TLE1: variants seen among roughly 807,000 people sequenced by gnomAD.
The protein encoded by TLE1 is TLE family member 1, transcriptional corepressor, also known as transducin-like enhancer protein 1.
TLE1 carries 21 observed loss-of-function variants against 89.8 expected under a neutral mutation model. The observed-to-expected ratio is 0.23, with a 90% CI of 0.17 to 0.34. TLE1 has a LOEUF of 0.34. TLE1 is among the 10% of genes least tolerant of loss of function. The probability of loss-of-function intolerance (pLI) is 1.00; values close to 1 mark genes in which losing one functional copy is unlikely to be tolerated. For synonymous variants in TLE1, 447 were observed against 407.6 expected, an observed-to-expected ratio of 1.10 and a Z score of -1.16; for missense variants, 795 against 1,031.2, an observed-to-expected ratio of 0.77 and a Z score of 3.14.
At position 81,688,504 on chromosome 9, in the gene TLE1, G is replaced by A. The variant is rs1325725080; in HGVS notation, c.-264C>T. The A allele has an allele frequency of 3.6e-5, 14 of 387,898 alleles. No individual in the cohort carries two copies. In the East Asian group the frequency reaches 3.8e-4, roughly 10 times the overall value. The allele number at this position is 387,898 out of a possible 1,614,324, so 24.0% of individuals were successfully genotyped here. A position where few individuals can be genotyped will look rare whatever the true frequency, so the allele number is the denominator to read the frequency against. Reference sequence around the variant, plus strand: ...CAGCTGCTTCAAGAACCTGCGCGGAGACGTCGGGCGCTCGGGGACTGTGCG... The same window carrying A: ...CAGCTGCTTCAAGAACCTGCGCGGAAACGTCGGGCGCTCGGGGACTGTGCG... On this transcript the variant is annotated 5_prime_UTR_variant, in exon 1 of 20. Coordinates refer to ENST00000376499, the MANE Select transcript of TLE1 (RefSeq NM_005077.5).
chr9:81,656,848 A>C (rs1830205637), intron 4 of TLE1, among the ~76,000 whole-genome samples: 1 of 152,206 alleles, frequency 6.6e-6, no homozygotes, highest in South Asian at 2.1e-4. Context: ...ACGCCTCCAC[A>C]CAGATCTCTA....
In TLE1 at chr9:81,688,312, C is replaced by T; in HGVS notation, c.-72G>A. 6.9e-7 allele frequency: 1 copy of T among 1,442,112 alleles called. No homozygotes were observed. 89.3% of individuals were successfully genotyped at this position (1,442,112 alleles called of 1,614,324 possible). A position where few individuals can be genotyped will look rare whatever the true frequency, so the allele number is the denominator to read the frequency against. On this transcript the variant is annotated 5_prime_UTR_variant, in exon 1 of 20. Transcript: ENST00000376499. ...CGGTCAATTTCCAACTTTAATCCCG[C>T]CGAGGAAAATTAAGCCGGAAAGCCA...
At chr9:81,608,945 AAAAAAAAG>A (rs1823337704) in intron 14 of TLE1, among the ~76,000 whole-genome samples, 1 of 151,948 alleles carries the variant, frequency 6.6e-6, no homozygotes, top group Non-Finnish European at 1.5e-5. Context: ...CAAAAATAAT[AAAAAAAAG>A]AAAGAAAGAA....
chr9:81,646,374 T>G (rs1050372569), intron 6 of TLE1, among the ~76,000 whole-genome samples: 4 of 152,182 alleles, frequency 2.6e-5, no homozygotes. Flanking sequence ...GGCTAGAGTG[T>G]TGGAATTTAA....
intron 14 of TLE1, 69 bp downstream of exon 14, chr9:81,610,151 T>G: frequency 7.2e-7 from 1 of 1,384,810 alleles, no homozygotes; most frequent in South Asian, 1.2e-5. Context: ...CCTTTGGAAT[T>G]CTAGTCTGCT....
chr9:81,596,859 T>C (rs912624935), intron 14 of TLE1, among the ~76,000 whole-genome samples: 2 of 152,244 alleles, frequency 1.3e-5, no homozygotes, highest in African/African-American at 4.8e-5. Context: ...TGGCTGCCTT[T>C]GGTGAAAAGT....
intron 14 of TLE1, among the ~76,000 whole-genome samples, chr9:81,597,309 A>G (rs7041471): frequency 1.4e-3 from 220 of 152,232 alleles, no homozygotes; most frequent in African/African-American, 4.8e-3. Flanking sequence ...GATACGTTGA[A>G]TTGAGGGCTT....
chr9:81,595,692 G>A (rs1162553832), intron 14 of TLE1, among the ~76,000 whole-genome samples: 3 of 151,724 alleles, frequency 2.0e-5, no homozygotes, highest in East Asian at 1.9e-4. Flanking sequence ...GGTGGCGGGC[G>A]CTTGTAGTCC....
chr9:81,668,477 G>T (rs1259314602), intron 4 of TLE1, among the ~76,000 whole-genome samples: 1 of 152,046 alleles, frequency 6.6e-6, no homozygotes, highest in Non-Finnish European at 1.5e-5. Context: ...GCATGTGGAG[G>T]CAAACAGGAA....
intron 6 of TLE1, among the ~76,000 whole-genome samples, chr9:81,646,333 T>C (rs1828859764): frequency 6.6e-6 from 1 of 152,138 alleles, no homozygotes; most frequent in Non-Finnish European, 1.5e-5. Flanking sequence ...CTTTGCAATA[T>C]TGCTCTTTCC....
At chr9:81,608,961 G>GAAAGAA (rs1176653827) in intron 14 of TLE1, among the ~76,000 whole-genome samples, 2 of 148,784 alleles carry the variant, frequency 1.3e-5, no homozygotes, top group Non-Finnish European at 3.0e-5. Context: ...AAGAAAGAAA[G>GAAAGAA]AAAGAAAAAG....
intron 4 of TLE1, among the ~76,000 whole-genome samples, chr9:81,672,389 G>A (rs1001858146): frequency 1.3e-5 from 2 of 151,408 alleles, no homozygotes; most frequent in Non-Finnish European, 2.9e-5. Context: ...GCTGGAGTGT[G>A]ATGGTGCGAT....
intron 4 of TLE1, among the ~76,000 whole-genome samples, chr9:81,663,604 G>A (rs1289598773): frequency 6.6e-6 from 1 of 151,494 alleles, no homozygotes; most frequent in South Asian, 2.1e-4. Context: ...CCTAGCAGAG[G>A]TATCCGCACA....
intron 2 of TLE1, 149 bp from the exon 3 acceptor site, chr9:81,686,045 A>G: frequency 1.4e-6 from 1 of 738,536 alleles, no homozygotes; most frequent in East Asian, 2.7e-5. Context: ...TTGTCCTTGC[A>G]TTTAATAGGG....
chr9:81,587,444 A>G (rs531545589), intron 17 of TLE1, among the ~76,000 whole-genome samples: 16 of 152,372 alleles, frequency 1.1e-4, no homozygotes, highest in Admixed American at 8.5e-4. Context: ...TAAATATAAC[A>G]GAGAACACAC....
intron 8 of TLE1, among the ~76,000 whole-genome samples, chr9:81,624,528 ATATT>A (rs1163632514): frequency 2.6e-5 from 4 of 152,202 alleles, no homozygotes; most frequent in East Asian, 1.9e-4. Flanking sequence ...CATTTTTCAA[ATATT>A]TATTTGCCAA....
At chr9:81,667,385 CAAAAAAAAAA>C (rs397893862) in intron 4 of TLE1, among the ~76,000 whole-genome samples, 1 of 89,868 alleles carries the variant, frequency 1.1e-5, no homozygotes, top group African/African-American at 4.4e-5. Flanking sequence ...CAGACTGTCT[CAAAAAAAAAA>C]AAAAAAAAAA....
intron 6 of TLE1, among the ~76,000 whole-genome samples, chr9:81,638,123 C>G (rs890335968): frequency 6.6e-6 from 1 of 152,182 alleles, no homozygotes; most frequent in Non-Finnish European, 1.5e-5. Flanking sequence ...TACACAGAGA[C>G]AAATCCACCC....
chr9:81,655,129 G>A (rs1047303779), intron 4 of TLE1, among the ~76,000 whole-genome samples: 2 of 152,124 alleles, frequency 1.3e-5, no homozygotes, highest in Non-Finnish European at 2.9e-5. Context: ...ACTTTCTGAG[G>A]CCAAGGCATG....
Sources: gnomAD v4.1 joint callset for allele counts (sites outside exome capture counted in the v4.1 genomes callset) on GRCh38, gnomAD v4.1.1 for gene constraint, MANE v1.5 for transcripts, NCBI Gene and HGNC (gene_info 2026-07-23, HGNC 2026-07-21) for gene names.